SERPINB12: variants seen among roughly 807,000 people sequenced by gnomAD.
SERPINB12 encodes serpin B12.
Under a neutral mutation model 41.1 loss-of-function variants are expected in SERPINB12, and 57 were observed. That is an observed-to-expected ratio of 1.39 (90% CI 1.12 to 1.73). The LOEUF is 1.73. Among genes scored for constraint, SERPINB12 ranks in the 40% most tolerant of loss-of-function variants. SERPINB12 has a pLI of 0.00. For synonymous variants in SERPINB12, 180 were observed against 181.3 expected, an observed-to-expected ratio of 0.99 and a Z score of 0.06; for missense variants, 536 against 501.9, an observed-to-expected ratio of 1.07 and a Z score of -0.65.
At position 63,568,446 on chromosome 18, in the gene SERPINB12, A is replaced by G. The variant is rs1911187688; in HGVS notation, c.*1435A>G. 1.3e-5 allele frequency among the ~76,000 whole-genome samples: 2 copies of G among 152,076 alleles called. No homozygotes were observed. Among genetic ancestry groups the G allele is most frequent in the Admixed American group, 1.3e-4 (2 of 15,252 alleles). On this transcript the variant is annotated 3_prime_UTR_variant, in exon 8 of 8. Transcript: ENST00000382768. ...ACCTGAAACCCTTGTCAAGAAGGCC[A>G]TTGGGCTCATCTCAAGCTCTAGTCT...
chr18:63,548,533 G>A (rs1431855028), intron 1 of SERPINB12, among the ~76,000 whole-genome samples: 1 of 151,772 alleles, frequency 6.6e-6, no homozygotes, highest in Non-Finnish European at 1.5e-5. Context: ...AGAAAATAAA[G>A]GAAGGTAAAA....
chr18:63,562,218 T>C (rs1910935275), intron 5 of SERPINB12, among the ~76,000 whole-genome samples: 1 of 152,106 alleles, frequency 6.6e-6, no homozygotes. Context: ...CCGTGTGAAT[T>C]TGAAAAACAG....
chr18:63,561,977 C>G (rs1047083333), intron 5 of SERPINB12, among the ~76,000 whole-genome samples: 2 of 152,054 alleles, frequency 1.3e-5, no homozygotes, highest in Admixed American at 6.5e-5. Flanking sequence ...TGTAACAAAC[C>G]TGCACATGTA....
At chr18:63,529,311 T>C in the SERPINB12 span, among the ~76,000 whole-genome samples, 9 of 152,166 alleles carry the variant, frequency 5.9e-5, no homozygotes, top group Admixed American at 5.9e-4. Flanking sequence ...CAGTCCAAGG[T>C]TGGTCAGGCG....
the SERPINB12 span, among the ~76,000 whole-genome samples, chr18:63,523,576 A>G: frequency 6.6e-6 from 1 of 152,208 alleles, no homozygotes; most frequent in Non-Finnish European, 1.5e-5. Context: ...TACCTTGAAC[A>G]GGGGAATGTA....
In SERPINB12 at chr18:63,558,347, T is replaced by G. The variant is rs908056279; in HGVS notation, c.169-5T>G. ...TCTGAAAGACCCCATCCCGTTATCATGCAGGTACTACACTTCAACGAATTT... is the reference window on the plus strand; with the variant it reads ...TCTGAAAGACCCCATCCCGTTATCAGGCAGGTACTACACTTCAACGAATTT... On this transcript the variant is annotated splice_polypyrimidine_tract_variant and splice_region_variant and intron_variant, in intron 2 of 7. Coordinates refer to ENST00000382768, the MANE Select transcript of SERPINB12 (RefSeq NM_001307928.2). 1 of 1,611,478 alleles carries G rather than the reference T, an allele frequency of 6.2e-7. No homozygotes were observed. Among genetic ancestry groups the G allele is most frequent in the Non-Finnish European group, 8.5e-7 (1 of 1,179,292 alleles).
upstream of SERPINB12, among the ~76,000 whole-genome samples, chr18:63,540,873 GT>G (rs1910257860): frequency 6.6e-6 from 1 of 152,080 alleles, no homozygotes; most frequent in African/African-American, 2.4e-5. Flanking sequence ...AAATATCTAG[GT>G]TTAAGTATTA....
At chr18:63,530,156 C>T in the SERPINB12 span, among the ~76,000 whole-genome samples, 1 of 152,130 alleles carries the variant, frequency 6.6e-6, no homozygotes, top group African/African-American at 2.4e-5. Context: ...CCAGGTTGCT[C>T]TTCAGTGGTA....
chr18:63,560,458 AT>A (rs1243586810), intron 4 of SERPINB12, among the ~76,000 whole-genome samples: 1 of 152,236 alleles, frequency 6.6e-6, no homozygotes, highest in Non-Finnish European at 1.5e-5. Context: ...TTCATGCTGG[AT>A]TTTTAAAAAC....
intron 7 of SERPINB12, among the ~76,000 whole-genome samples, chr18:63,565,996 T>C (rs73468575): frequency 0.015 from 2,311 of 152,250 alleles, 65 homozygotes; most frequent in African/African-American, 0.053. Context: ...GAATACTGTT[T>C]TGGGGAATAT....
chr18:63,566,943 T>G lies in SERPINB12; in HGVS notation c.1210T>G (p.Phe404Val). The G allele has an allele frequency of 6.2e-7, 1 of 1,613,630 alleles. No individual in the cohort carries two copies. Among genetic ancestry groups the G allele is most frequent in the Non-Finnish European group, 8.5e-7 (1 of 1,179,880 alleles). ...SWVEFNANHPFLFFIRHNKTQ... is the reference protein window; with the variant it reads ...SWVEFNANHPVLFFIRHNKTQ... ...GGTGGAGTTTAATGCCAACCACCCT[T>G]TTCTCTTTTTCATTAGACACAACAA... is the stretch of plus-strand genomic sequence containing the variant. The change falls in exon 8 of 8, where the codon TTT becomes GTT. Residue 404 changes from phenylalanine (F) to valine (V), a missense_variant. Transcript: ENST00000382768.
Position 63,561,191 on chromosome 18 carries a change from G to A in SERPINB12, c.551G>A (p.Cys184Tyr). The stretch of plus-strand genomic sequence containing the variant: ...CAAGAGATTAACTTCTGGGTTGAAT[G>A]TCAATCCCAAGGTAAGAAAGCCCAA... Reference protein sequence around the residue: ...SRQEINFWVECQSQGKIKELF... With the variant: ...SRQEINFWVEYQSQGKIKELF... Residue 184 changes from cysteine to tyrosine, a missense_variant, in exon 5 of 8, where the codon TGT (cysteine) becomes TAT (tyrosine). Physicochemically the swap from Cys to Tyr is radical, Grantham distance 194. Coordinates refer to ENST00000382768, the MANE Select transcript of SERPINB12 (RefSeq NM_001307928.2). 1.2e-6 allele frequency: 2 copies of A among 1,601,896 alleles called. No individual in the cohort carries two copies. Among genetic ancestry groups the A allele is most frequent in the South Asian group, 1.1e-5 (1 of 90,528 alleles).
chr18:63,530,341 C>T, the SERPINB12 span, among the ~76,000 whole-genome samples: 5 of 152,140 alleles, frequency 3.3e-5, no homozygotes, highest in Admixed American at 3.3e-4. Flanking sequence ...AGTTACACTG[C>T]CATTTTGGTG....
the SERPINB12 span, among the ~76,000 whole-genome samples, chr18:63,521,898 A>C: frequency 6.6e-6 from 1 of 152,202 alleles, no homozygotes; most frequent in East Asian, 1.9e-4. Context: ...GGAGCATTGC[A>C]GCTAGATATT....
At chr18:63,519,740 C>T in the SERPINB12 span, among the ~76,000 whole-genome samples, 19 of 152,144 alleles carry the variant, frequency 1.2e-4, no homozygotes, top group Non-Finnish European at 2.6e-4. Flanking sequence ...TGCCTCATCC[C>T]TCATTCTAGG....
intron 1 of SERPINB12, among the ~76,000 whole-genome samples, chr18:63,554,260 T>C (rs1049058036): frequency 2.6e-5 from 4 of 152,224 alleles, no homozygotes; most frequent in African/African-American, 9.6e-5. Flanking sequence ...ATATGTGCTA[T>C]TTGATTATGC....
upstream of SERPINB12, among the ~76,000 whole-genome samples, chr18:63,538,570 A>G (rs980116709): frequency 2.0e-5 from 3 of 152,016 alleles, no homozygotes; most frequent in Admixed American, 2.0e-4. Flanking sequence ...AATATACTAC[A>G]TTTTGTTTAT....
the SERPINB12 span, among the ~76,000 whole-genome samples, chr18:63,533,344 T>C: frequency 6.6e-6 from 1 of 152,236 alleles, no homozygotes. Context: ...GGTTGAATCC[T>C]GACTATGATA....
In SERPINB12 at chr18:63,559,040, T is replaced by TTC. The variant is rs1555675613; in HGVS notation, c.304-536_304-535dup. Among the ~76,000 whole-genome samples the TTC allele has an allele frequency of 3.5e-3, 96 of 27,758 alleles. 1 individual carries two copies. The highest frequency in any genetic ancestry group is 0.025 in the South Asian group (26 of 1,050). 18.2% of individuals were successfully genotyped at this position (27,758 alleles called of 152,430 possible). ...TTTCTTTCTTTCTTTCTTTCTTTCTTTCTTTCTTTCTTTCTTTCTCTCCTT... is the reference window on the plus strand; with the variant it reads ...TTTCTTTCTTTCTTTCTTTCTTTCTTTCTCTTTCTTTCTTTCTTTCTCTCCTT... On this transcript the variant is annotated intron_variant, in intron 3 of 7. Transcript: ENST00000382768.
Sources: gnomAD v4.1 joint callset for allele counts (sites outside exome capture counted in the v4.1 genomes callset) on GRCh38, gnomAD v4.1.1 for gene constraint, MANE v1.5 for transcripts, NCBI Gene and HGNC (gene_info 2026-07-23, HGNC 2026-07-21) for gene names.